CNTN4: variants seen among roughly 807,000 people sequenced by gnomAD.
The protein encoded by CNTN4 is contactin 4.
CNTN4 carries 77 observed loss-of-function variants against 122.5 expected under a neutral mutation model. The observed-to-expected ratio is 0.63, with a 90% confidence interval of 0.52 to 0.76. The LOEUF (loss-of-function observed/expected upper bound fraction) is 0.76. CNTN4 is among the 30% of genes least tolerant of loss of function. The probability of loss-of-function intolerance (pLI) is 0.00; values close to 1 mark genes in which losing one functional copy is unlikely to be tolerated. For synonymous variants in CNTN4, 512 were observed against 447.0 expected, an observed-to-expected ratio of 1.15 and a Z score of -1.83; for missense variants, 1,256 against 1,259.1, an observed-to-expected ratio of 1.00 and a Z score of 0.04.
At chr3:2,743,683 T>C (rs1327903680) in intron 5 of CNTN4, among the ~76,000 whole-genome samples, 1 of 152,244 alleles carries the variant, frequency 6.6e-6, no homozygotes, top group Non-Finnish European at 1.5e-5. Context: ...GAGTGTTAGA[T>C]TTTAGATGGC....
chr3:2,328,654 A>G (rs888324202), intron 2 of CNTN4, among the ~76,000 whole-genome samples: 1 of 144,856 alleles, frequency 6.9e-6, no homozygotes, highest in Non-Finnish European at 1.5e-5. Flanking sequence ...CTGCGGATCA[A>G]TAATGTTTGG....
chr3:2,897,098 T>G (rs1010052584), intron 10 of CNTN4, among the ~76,000 whole-genome samples: 1 of 152,220 alleles, frequency 6.6e-6, no homozygotes, highest in African/African-American at 2.4e-5. Flanking sequence ...AAATTATATC[T>G]GCCTGCAATA....
chr3:2,688,713 T>C (rs1324115772), intron 4 of CNTN4, among the ~76,000 whole-genome samples: 2 of 152,174 alleles, frequency 1.3e-5, no homozygotes, highest in Non-Finnish European at 2.9e-5. Context: ...CAGCTGAATA[T>C]TTTTCAGAGA....
intron 3 of CNTN4, among the ~76,000 whole-genome samples, chr3:2,522,149 T>TGTGTGTGTGTG (rs1553678903): frequency 1.1e-4 from 7 of 63,460 alleles, no homozygotes; most frequent in Non-Finnish European, 2.3e-4. Flanking sequence ...CCTAAGCAGT[T>TGTGTGTGTGTG]TGTGTGTGTG....
chr3:2,570,254 G>A (rs1016095887), intron 3 of CNTN4, among the ~76,000 whole-genome samples: 3 of 151,762 alleles, frequency 2.0e-5, no homozygotes, highest in Non-Finnish European at 2.9e-5. Flanking sequence ...GCTCACTGCA[G>A]CCTCGAACTC....
chr3:2,586,443 C>T (rs1479446657), intron 4 of CNTN4, among the ~76,000 whole-genome samples: 4 of 152,206 alleles, frequency 2.6e-5, no homozygotes, highest in Non-Finnish European at 4.4e-5. Context: ...CAGGCACCCA[C>T]CACCACACCT....
intron 14 of CNTN4, among the ~76,000 whole-genome samples, chr3:3,014,247 G>T (rs1167199420): frequency 1.3e-5 from 2 of 152,082 alleles, no homozygotes; most frequent in African/African-American, 4.8e-5. Context: ...AATGCTGACC[G>T]TTTCTCAATA....
chr3:2,337,301 A>G (rs149039246), intron 2 of CNTN4, among the ~76,000 whole-genome samples: 93 of 152,286 alleles, frequency 6.1e-4, no homozygotes, highest in African/African-American at 2.0e-3. Context: ...AATGTTTTCT[A>G]TAATGGGCAA....
At chr3:2,497,046 C>T (rs535713699) in intron 3 of CNTN4, among the ~76,000 whole-genome samples, 1 of 152,220 alleles carries the variant, frequency 6.6e-6, no homozygotes, top group South Asian at 2.1e-4. Flanking sequence ...GATGCCTGCC[C>T]ACATTGATGA....
intron 3 of CNTN4, among the ~76,000 whole-genome samples, chr3:2,467,133 GTTTTT>G (rs368919706): frequency 7.6e-6 from 1 of 131,432 alleles, no homozygotes; most frequent in Non-Finnish European, 1.6e-5. Context: ...AAAATTATGG[GTTTTT>G]TTTTTTTTTT....
chr3:2,996,702 T>C (rs1424056669), intron 14 of CNTN4, among the ~76,000 whole-genome samples: 1 of 152,140 alleles, frequency 6.6e-6, no homozygotes, highest in Non-Finnish European at 1.5e-5. Flanking sequence ...ATAAGAAATA[T>C]ATTGAAGCTA....
chr3:2,313,601 G>A (rs1260094963), intron 2 of CNTN4, among the ~76,000 whole-genome samples: 3 of 152,000 alleles, frequency 2.0e-5, no homozygotes, highest in African/African-American at 7.2e-5. Context: ...AGGGCCGGAG[G>A]TGGGGTGGTG....
chr3:2,806,565 G>C (rs905989527), intron 6 of CNTN4, among the ~76,000 whole-genome samples: 1 of 152,198 alleles, frequency 6.6e-6, no homozygotes, highest in Non-Finnish European at 1.5e-5. Context: ...TATCAAATCA[G>C]TGTGGATTTC....
At chr3:2,265,203 A>G (rs1007574382) in intron 2 of CNTN4, among the ~76,000 whole-genome samples, 1 of 105,980 alleles carries the variant, frequency 9.4e-6, no homozygotes, top group Non-Finnish European at 2.2e-5. Flanking sequence ...GTTCCTTTTT[A>G]TGGTTAAGTA....
intron 2 of CNTN4, among the ~76,000 whole-genome samples, chr3:2,331,165 ATAATTTTCCT>A (rs1413772038): frequency 6.6e-6 from 1 of 152,210 alleles, no homozygotes; most frequent in Non-Finnish European, 1.5e-5. Flanking sequence ...GCCAAATCTG[ATAATTTTCCT>A]TAGTTGAAAT....
At chr3:2,866,481 C>T in intron 7 of CNTN4, 1 of 1,291,468 alleles carries the variant, frequency 7.7e-7, no homozygotes, top group African/African-American at 1.5e-5. Context: ...ACTATAAATG[C>T]TTAGCCCTTG....
rs553673087 is a variant in CNTN4 at position 3,041,186 on chromosome 3, G to A, written c.2398+915G>A. The A allele has an allele frequency of 2.6e-5, 4 of 152,284 alleles. No individual in the cohort carries two copies. The East Asian group carries it at 7.7e-4, about 29-fold the overall frequency. 9.4% of individuals were successfully genotyped at this position (152,284 alleles called of 1,614,324 possible). A position where few individuals can be genotyped will look rare whatever the true frequency, so the allele number is the denominator to read the frequency against. ...GGTGAATCATTGATTTAGAGTCAGT[G>A]AAGATGCAATAACTTATTCCCAATC... On this transcript the variant is annotated intron_variant, in intron 20 of 24. Coordinates refer to ENST00000418658, the MANE Select transcript of CNTN4 (RefSeq NM_175607.3).
intron 6 of CNTN4, among the ~76,000 whole-genome samples, chr3:2,783,431 AG>A (rs2091686655): frequency 6.6e-6 from 1 of 152,190 alleles, no homozygotes; most frequent in African/African-American, 2.4e-5. Flanking sequence ...TTGTTTTCAC[AG>A]GGTGTCTCTC....
At chr3:2,654,875 T>A (rs1355198320) in intron 4 of CNTN4, among the ~76,000 whole-genome samples, 1 of 152,118 alleles carries the variant, frequency 6.6e-6, no homozygotes, top group Non-Finnish European at 1.5e-5. Context: ...TGCGTGGCAC[T>A]AGCTAGTATG....
Sources: allele counts gnomAD v4.1 joint callset (sites outside exome capture counted in the v4.1 genomes callset), GRCh38; gene constraint gnomAD v4.1.1; transcripts MANE v1.5; gene names NCBI Gene and HGNC (gene_info 2026-07-23, HGNC 2026-07-21).